The following RIGI variants were observed in gnomAD, a reference collection of about 807,000 sequenced individuals.
The protein encoded by RIGI is RNA sensor RIG-I.
the RIGI span, chr9:32,466,489 G>C: frequency 1.3e-6 from 2 of 1,493,332 alleles, no homozygotes; most frequent in Non-Finnish European, 1.8e-6. Flanking sequence ...TTAAAGCTCT[G>C]ATATAATCTG....
At chr9:32,522,913 ATTTG>A in the RIGI span, among the ~76,000 whole-genome samples, 1 of 152,122 alleles carries the variant, frequency 6.6e-6, no homozygotes, top group Admixed American at 6.5e-5. Flanking sequence ...TGAAACTTAT[ATTTG>A]TTTTATCTGA....
chr9:32,508,499 T>C, the RIGI span, among the ~76,000 whole-genome samples: 1 of 151,952 alleles, frequency 6.6e-6, no homozygotes, highest in South Asian at 2.1e-4. Flanking sequence ...ACAAGGGGTC[T>C]GGGAACTCCC....
the RIGI span, among the ~76,000 whole-genome samples, chr9:32,510,132 C>T: frequency 1.2e-4 from 18 of 152,174 alleles, 1 homozygote; most frequent in South Asian, 3.1e-3. Flanking sequence ...CCGAAAGTGA[C>T]GGGGAGAATG....
At chr9:32,518,459 G>A in the RIGI span, among the ~76,000 whole-genome samples, 1 of 151,610 alleles carries the variant, frequency 6.6e-6, no homozygotes, top group African/African-American at 2.4e-5. Flanking sequence ...CATAGATGGT[G>A]TGTGTAAGTC....
chr9:32,473,796 G>C, the RIGI span, among the ~76,000 whole-genome samples: 1 of 152,124 alleles, frequency 6.6e-6, no homozygotes, highest in Non-Finnish European at 1.5e-5. Context: ...GGGAGGCCGA[G>C]GCAGGAGAGT....
chr9:32,490,457 GT>G, the RIGI span, among the ~76,000 whole-genome samples: 20 of 148,144 alleles, frequency 1.4e-4, no homozygotes, highest in Non-Finnish European at 2.1e-4. Flanking sequence ...TCATGTATCT[GT>G]TTTTTTTTTC....
chr9:32,485,021 C>A, the RIGI span, among the ~76,000 whole-genome samples: 4 of 152,148 alleles, frequency 2.6e-5, no homozygotes, highest in Non-Finnish European at 4.4e-5. Flanking sequence ...TAGAGGAGGA[C>A]ATATAAGGCT....
the RIGI span, chr9:32,481,364 CAG>C: frequency 1.2e-6 from 2 of 1,613,480 alleles, no homozygotes; most frequent in Non-Finnish European, 1.7e-6. Flanking sequence ...TGTATAAAAA[CAG>C]GGCTTTACAA....
chr9:32,457,229 T>A, the RIGI span: 3 of 1,614,102 alleles, frequency 1.9e-6, no homozygotes, highest in Non-Finnish European at 2.5e-6. Context: ...ACCACAAAAC[T>A]TTCAATTTTT....
chr9:32,487,867 G>C, the RIGI span: 1 of 1,504,772 alleles, frequency 6.6e-7, no homozygotes, highest in Non-Finnish European at 9.0e-7. Context: ...GACATCTTCA[G>C]TGTGGCCATA....
chr9:32,517,367 T>C, the RIGI span, among the ~76,000 whole-genome samples: 3 of 152,226 alleles, frequency 2.0e-5, no homozygotes, highest in African/African-American at 7.2e-5. Flanking sequence ...GTTGGATCTT[T>C]GTGTGTGTAT....
At chr9:32,497,327 C>A in the RIGI span, among the ~76,000 whole-genome samples, 2 of 152,012 alleles carry the variant, frequency 1.3e-5, no homozygotes, top group African/African-American at 2.4e-5. Context: ...ACCTTAATTT[C>A]TTTTTTGGAT....
At chr9:32,460,141 T>G in the RIGI span, among the ~76,000 whole-genome samples, 3 of 152,214 alleles carry the variant, frequency 2.0e-5, no homozygotes, top group Non-Finnish European at 2.9e-5. Flanking sequence ...TTCTTCCTCA[T>G]TTTTCTCTTG....
the RIGI span, among the ~76,000 whole-genome samples, chr9:32,478,415 A>G: frequency 1.3e-5 from 2 of 152,270 alleles, no homozygotes; most frequent in East Asian, 3.9e-4. Context: ...TGTTATCTAT[A>G]TGGTAGAAAT....
the RIGI span, among the ~76,000 whole-genome samples, chr9:32,479,634 T>C: frequency 8.5e-5 from 13 of 152,110 alleles, no homozygotes; most frequent in African/African-American, 2.9e-4. Context: ...GTCAGGAGTT[T>C]GAGACCAATC....
chr9:32,496,486 C>A, the RIGI span, among the ~76,000 whole-genome samples: 3 of 152,302 alleles, frequency 2.0e-5, no homozygotes, highest in South Asian at 2.1e-4. Context: ...AGGGCAAATT[C>A]TCTTTTCTTG....
chr9:32,482,816 G>A, the RIGI span, among the ~76,000 whole-genome samples: 49 of 151,708 alleles, frequency 3.2e-4, no homozygotes, highest in Middle Eastern at 6.8e-3. Context: ...CCGAGATCAC[G>A]TCACTGTACT....
the RIGI span, among the ~76,000 whole-genome samples, chr9:32,482,984 C>T: frequency 6.6e-6 from 1 of 152,130 alleles, no homozygotes; most frequent in Non-Finnish European, 1.5e-5. Context: ...CCTCAAAAGA[C>T]ACTTATCACA....
the RIGI span, chr9:32,472,952 T>C: frequency 6.4e-7 from 1 of 1,560,630 alleles, no homozygotes; most frequent in Non-Finnish European, 8.7e-7. Flanking sequence ...ATCCACTAAA[T>C]CTAATTCACT....
Sources: allele counts gnomAD v4.1 joint callset (sites outside exome capture counted in the v4.1 genomes callset), GRCh38; gene constraint gnomAD v4.1.1; transcripts MANE v1.5; gene names NCBI Gene and HGNC (gene_info 2026-07-23, HGNC 2026-07-21).